Variants in TRDN observed in about 807,000 individuals in gnomAD.
TRDN encodes triadin.
In TRDN, 161 loss-of-function variants were observed where a neutral mutation model predicts 149.7. That is an observed-to-expected ratio of 1.08 (90% CI 0.95 to 1.23). The LOEUF is 1.23. TRDN is among the 50% of genes most tolerant of loss of function. The pLI is 0.00. For synonymous variants in TRDN, 294 were observed against 250.5 expected, an observed-to-expected ratio of 1.17 and a Z score of -1.64; for missense variants, 896 against 823.5, an observed-to-expected ratio of 1.09 and a Z score of -1.08.
chr6:123,433,442 G>T (rs1462001184), intron 12 of TRDN, among the ~76,000 whole-genome samples: 1 of 151,836 alleles, frequency 6.6e-6, no homozygotes, highest in Non-Finnish European at 1.5e-5. Context: ...GGCAGATCTT[G>T]TCTGTTTATC....
intron 1 of TRDN, among the ~76,000 whole-genome samples, chr6:123,600,538 GGC>G (rs1784233356): frequency 6.6e-6 from 1 of 152,040 alleles, no homozygotes; most frequent in African/African-American, 2.4e-5. Flanking sequence ...CTGAAAAAAG[GGC>G]AGGAAGCTTT....
chr6:123,605,894 C>T (rs1784509778), intron 1 of TRDN, among the ~76,000 whole-genome samples: 1 of 152,118 alleles, frequency 6.6e-6, no homozygotes, highest in South Asian at 2.1e-4. Context: ...TGATGGTTAG[C>T]ATCACTGAGT....
At chr6:123,532,343 A>T (rs999490612) in intron 4 of TRDN, among the ~76,000 whole-genome samples, 21 of 152,072 alleles carry the variant, frequency 1.4e-4, no homozygotes, top group Admixed American at 1.3e-4. Context: ...TCGAATACTA[A>T]CCTAGAGTCG....
At chr6:123,243,430 A>T (rs545648147) in intron 38 of TRDN, among the ~76,000 whole-genome samples, 1 of 152,326 alleles carries the variant, frequency 6.6e-6, no homozygotes, top group Non-Finnish European at 1.5e-5. Context: ...ATAGATCCCA[A>T]TGGAAAAGAA....
chr6:123,370,806 A>T (rs1781293875), intron 19 of TRDN, among the ~76,000 whole-genome samples: 2 of 151,534 alleles, frequency 1.3e-5, no homozygotes, highest in South Asian at 4.2e-4. Flanking sequence ...TAGAGGTTGA[A>T]CATCTTTTGA....
chr6:123,554,114 C>A (rs1003780166), intron 2 of TRDN, among the ~76,000 whole-genome samples: 6 of 152,052 alleles, frequency 3.9e-5, no homozygotes, highest in Non-Finnish European at 5.9e-5. Flanking sequence ...ACTCATGAAA[C>A]AACTAATGTT....
chr6:123,626,484 A>G (rs1785676661), intron 1 of TRDN, among the ~76,000 whole-genome samples: 1 of 152,068 alleles, frequency 6.6e-6, no homozygotes, highest in African/African-American at 2.4e-5. Context: ...AAAAAAAACA[A>G]CAACAAAAAA....
intron 35 of TRDN, among the ~76,000 whole-genome samples, chr6:123,257,270 G>A (rs1193719365): frequency 2.0e-5 from 3 of 150,070 alleles, no homozygotes; most frequent in African/African-American, 4.9e-5. Context: ...GAGCAACCAC[G>A]CCCGGCATGT....
intron 12 of TRDN, among the ~76,000 whole-genome samples, chr6:123,428,050 G>C (rs372306798): frequency 2.0e-5 from 3 of 152,136 alleles, no homozygotes; most frequent in African/African-American, 7.2e-5. Context: ...TCACCATCTA[G>C]AAATGACTTC....
chr6:123,255,897 CT>C lies in TRDN; in HGVS notation c.1875del (p.Ala626GlnfsTer3), dbSNP rs780443277. ...TEISEKESKEKADMKHLREEK... is the reference protein window; with the variant it reads ...TEISEKESKEXADMKHLREEK... ...TCTTCTCTAAGATGCTTCATGTCTG[CT>C]TTTTCTGTATAGAAGAAACAGTAAC... On this transcript the variant is annotated frameshift_variant, in exon 36 of 41. Transcript: ENST00000334268. LOFTEE classifies it high-confidence loss of function. 7 of 1,313,416 alleles carry C rather than the reference CT, an allele frequency of 5.3e-6. No individual in the cohort carries two copies. In the South Asian group the frequency reaches 6.1e-5, roughly 11 times the overall value. The allele number at this position is 1,313,416 out of a possible 1,614,324, so 81.4% of individuals were successfully genotyped here. A position where few individuals can be genotyped will look rare whatever the true frequency, so the allele number is the denominator to read the frequency against.
At chr6:123,571,520 T>G (rs1244611387) in intron 1 of TRDN, among the ~76,000 whole-genome samples, 3 of 149,366 alleles carry the variant, frequency 2.0e-5, no homozygotes, top group Non-Finnish European at 4.4e-5. Context: ...GTTTGTTTGT[T>G]TGTAGGGGCA....
chr6:123,514,325 A>G (rs1779322189), intron 6 of TRDN, among the ~76,000 whole-genome samples: 1 of 152,140 alleles, frequency 6.6e-6, no homozygotes, highest in Non-Finnish European at 1.5e-5. Context: ...ACTGCACTTC[A>G]GTCTGGGTGG....
chr6:123,449,871 G>C (rs184796855), intron 10 of TRDN, among the ~76,000 whole-genome samples: 1 of 152,278 alleles, frequency 6.6e-6, no homozygotes, highest in East Asian at 1.9e-4. Context: ...ACAGATTTCT[G>C]AGCAGAAACC....
chr6:123,332,825 G>A (rs961300759), intron 22 of TRDN, among the ~76,000 whole-genome samples: 1 of 152,046 alleles, frequency 6.6e-6, no homozygotes, highest in Admixed American at 6.6e-5. Flanking sequence ...TGCCACTCTA[G>A]TAAACACTTA....
chr6:123,540,174 T>G (rs11154178), intron 4 of TRDN, among the ~76,000 whole-genome samples: 1 of 152,000 alleles, frequency 6.6e-6, no homozygotes, highest in Non-Finnish European at 1.5e-5. Flanking sequence ...TGCATATTTC[T>G]TCTCTCTGTC....
At chr6:123,273,089 C>A (rs767813424) in intron 28 of TRDN, 78 bp from the exon 29 acceptor site, 57 of 929,452 alleles carry the variant, frequency 6.1e-5, no homozygotes, top group Non-Finnish European at 8.8e-5. Flanking sequence ...GCAAATGTGC[C>A]CATAGAGAAA....
intron 21 of TRDN, among the ~76,000 whole-genome samples, chr6:123,339,167 G>A (rs1381187884): frequency 1.3e-5 from 2 of 151,946 alleles, no homozygotes; most frequent in African/African-American, 4.8e-5. Flanking sequence ...AGCATGCCCG[G>A]CTAATTTTTG....
chr6:123,242,066 C>T (rs920779822), intron 38 of TRDN, among the ~76,000 whole-genome samples: 1 of 152,190 alleles, frequency 6.6e-6, no homozygotes, highest in Non-Finnish European at 1.5e-5. Flanking sequence ...GATATACCAA[C>T]ATCCATTGGG....
chr6:123,377,906 A>G lies in TRDN; in HGVS notation c.1187-8T>C, dbSNP rs1463627876. On this transcript the variant is annotated splice_region_variant and splice_polypyrimidine_tract_variant and intron_variant, in intron 16 of 40. Coordinates refer to ENST00000334268, the MANE Select transcript of TRDN (RefSeq NM_006073.4). ...TTTCTTTCTTTTCCTGTTCTGAAAC[A>G]TATTATTATTGTTATTATTATTATC... 12 of 1,444,226 alleles carry G rather than the reference A, an allele frequency of 8.3e-6. No individual in the cohort carries two copies. The highest frequency in any genetic ancestry group is 9.4e-7 in the Non-Finnish European group (1 of 1,060,650). 89.5% of individuals were successfully genotyped at this position (1,444,226 alleles called of 1,614,324 possible). A position where few individuals can be genotyped will look rare whatever the true frequency, so the allele number is the denominator to read the frequency against.
Sources: allele counts gnomAD v4.1 joint callset (sites outside exome capture counted in the v4.1 genomes callset), GRCh38; gene constraint gnomAD v4.1.1; transcripts MANE v1.5; gene names NCBI Gene and HGNC (gene_info 2026-07-23, HGNC 2026-07-21).